SIRPA: variants seen among roughly 807,000 people sequenced by gnomAD.
SIRPA encodes the protein tyrosine-protein phosphatase non-receptor type substrate 1.
In SIRPA, 9 loss-of-function variants were observed where a neutral mutation model predicts 50.3. The observed-to-expected ratio is 0.18, with a 90% CI of 0.11 to 0.31. The LOEUF (loss-of-function observed/expected upper bound fraction) is 0.31. Among genes scored for constraint, SIRPA ranks in the 10% least tolerant of loss-of-function variants. SIRPA has a pLI of 1.00. For synonymous variants in SIRPA, 265 were observed against 284.1 expected, an observed-to-expected ratio of 0.93 and a Z score of 0.68; for missense variants, 474 against 661.6, an observed-to-expected ratio of 0.72 and a Z score of 3.11.
chr20:1,907,037 CATAA>C (rs1984589855), intron 1 of SIRPA, among the ~76,000 whole-genome samples: 1 of 152,176 alleles, frequency 6.6e-6, no homozygotes, highest in Admixed American at 6.5e-5. Context: ...ACAGACAAGA[CATAA>C]AGGTCATCTG....
intron 6 of SIRPA, among the ~76,000 whole-genome samples, chr20:1,929,816 C>T (rs1051275012): frequency 3.3e-5 from 5 of 152,160 alleles, no homozygotes; most frequent in African/African-American, 7.2e-5. Flanking sequence ...GGGCAAGACT[C>T]GTTTATATCC....
At chr20:1,916,879 G>A (rs186269269) in intron 2 of SIRPA, among the ~76,000 whole-genome samples, 2 of 152,300 alleles carry the variant, frequency 1.3e-5, no homozygotes, top group Admixed American at 1.3e-4. Flanking sequence ...AATGTGTGTG[G>A]ATATGGCCTA....
intron 1 of SIRPA, among the ~76,000 whole-genome samples, chr20:1,903,644 G>C (rs6081096): frequency 0.47 from 71,259 of 151,926 alleles, 16,888 homozygotes; most frequent in East Asian, 0.67. Flanking sequence ...CCTTGGCAGC[G>C]TCCTTTCTGG....
chr20:1,915,542 G>A lies in SIRPA; in HGVS notation c.436+87G>A. On this transcript the variant is annotated intron_variant, in intron 2 of 7. Transcript: ENST00000358771. ...TCCATTCTTTGAGCAATGATCAGGT[G>A]TGGTGGTAGGTGCTCCTTTCCATGA... is the stretch of plus-strand genomic sequence containing the variant. 1.1e-5 allele frequency: 16 copies of A among 1,463,102 alleles called. No individual in the cohort carries two copies. In the South Asian group the frequency reaches 1.8e-4, roughly 17 times the overall value. The allele number at this position is 1,463,102 out of a possible 1,614,324, so 90.6% of individuals were successfully genotyped here.
intron 1 of SIRPA, among the ~76,000 whole-genome samples, chr20:1,914,399 G>A (rs1429289316): frequency 3.3e-5 from 5 of 152,316 alleles, no homozygotes; most frequent in East Asian, 1.9e-4. Context: ...GAGATCCATC[G>A]AGGTGGGGTC....
At chr20:1,921,125 C>T (rs556214418) in intron 2 of SIRPA, among the ~76,000 whole-genome samples, 1 of 152,312 alleles carries the variant, frequency 6.6e-6, no homozygotes, top group African/African-American at 2.4e-5. Context: ...CTGGAAGTCA[C>T]CCTGTGTGGA....
chr20:1,913,481 C>A (rs773161885), intron 1 of SIRPA, among the ~76,000 whole-genome samples: 2 of 152,240 alleles, frequency 1.3e-5, no homozygotes, highest in Non-Finnish European at 2.9e-5. Flanking sequence ...AGGGGCACAG[C>A]AGCTCTGGAC....
Position 1,933,534 on chromosome 20 carries a change from C to A in SIRPA, c.1227-1181C>A, listed in dbSNP as rs1031921761. 1.3e-5 allele frequency among the ~76,000 whole-genome samples: 2 copies of A among 152,108 alleles called. No homozygotes were observed. Among genetic ancestry groups the A allele is most frequent in the Non-Finnish European group, 2.9e-5 (2 of 68,024 alleles). ...ATGAGTTGGACTTGAACCAGCCAGC[C>A]AGTGGGAAGCTCCAGGAGGGCTGGA... On this transcript the variant is annotated intron_variant, in intron 6 of 7. Transcript: ENST00000358771. This position sits in a 1 kb window ranked among gnomAD's most constrained non-coding sequence, Gnocchi z 4.4.
chr20:1,920,036 A>C lies in SIRPA; in HGVS notation c.437-1359A>C, dbSNP rs145681337. On this transcript the variant is annotated intron_variant, in intron 2 of 7. Transcript: ENST00000358771. ...GCTGCATACCAGGCTCTGTGCTTGCATTCATCCTCCCTCTTCTTAACAGGG... is the reference window on the plus strand; with the variant it reads ...GCTGCATACCAGGCTCTGTGCTTGCCTTCATCCTCCCTCTTCTTAACAGGG... Among the ~76,000 whole-genome samples, 80 of 152,278 alleles carry C rather than the reference A, an allele frequency of 5.3e-4. No homozygotes were observed. The Middle Eastern group carries it at 0.01, about 19-fold the overall frequency.
intron 2 of SIRPA, among the ~76,000 whole-genome samples, chr20:1,917,853 G>T (rs990987476): frequency 6.6e-6 from 1 of 152,174 alleles, no homozygotes; most frequent in African/African-American, 2.4e-5. Context: ...TGGCTATAGG[G>T]TAACCAGATC....
rs1986407099 is a variant in SIRPA at position 1,933,468 on chromosome 20, GGAGGCAGCACGTCA to G, written c.1227-1244_1227-1231del. Among the ~76,000 whole-genome samples the G allele has an allele frequency of 6.6e-6, 1 of 151,126 alleles. No homozygotes were observed. The highest frequency in any genetic ancestry group is 1.5e-5 in the Non-Finnish European group (1 of 67,888). ...TGAGGGCAGGGCAGTGAATTAGCCT[GGAGGCAGCACGTCA>G]GACCACGTGGGACTCTGAGCAGGGC... On this transcript the variant is annotated intron_variant, in intron 6 of 7. Coordinates refer to ENST00000358771, the MANE Select transcript of SIRPA (RefSeq NM_001040023.2). The surrounding 1 kb of genome is among the most constrained non-coding windows in gnomAD (Gnocchi z 4.4).
rs1986802257 is a variant in SIRPA at position 1,940,531 on chromosome 20, C to A, written c.*2963C>A. The A allele has an allele frequency of 6.6e-6, 1 of 152,160 alleles. No individual in the cohort carries two copies. The highest frequency in any genetic ancestry group is 1.5e-5 in the Non-Finnish European group (1 of 68,032). 9.4% of individuals were successfully genotyped at this position (152,160 alleles called of 1,614,324 possible). On this transcript the variant is annotated 3_prime_UTR_variant, in exon 8 of 8. Coordinates refer to ENST00000358771, the MANE Select transcript of SIRPA (RefSeq NM_001040023.2). ...AATGTTAGTTTCCTTTCTATCCCTC[C>A]ATTAGATCATTAATGATATTAGTGC... is the stretch of plus-strand genomic sequence containing the variant.
At position 1,921,322 on chromosome 20, in the gene SIRPA, A is replaced by T. The variant is rs903424756; in HGVS notation, c.437-73A>T. ...AAAAATAATGTCTCAGAAGGTTCTTAACGTGTCACACACTTATCGTTAGTG... is the reference window on the plus strand; with the variant it reads ...AAAAATAATGTCTCAGAAGGTTCTTTACGTGTCACACACTTATCGTTAGTG... On this transcript the variant is annotated intron_variant, in intron 2 of 7. Coordinates refer to ENST00000358771, the MANE Select transcript of SIRPA (RefSeq NM_001040023.2). 1.4e-5 allele frequency: 22 copies of T among 1,608,212 alleles called. No homozygotes were observed. In the African/African-American group the frequency reaches 2.0e-4, roughly 15 times the overall value.
At chr20:1,907,364 C>T (rs1409186952) in intron 1 of SIRPA, among the ~76,000 whole-genome samples, 1 of 152,238 alleles carries the variant, frequency 6.6e-6, no homozygotes, top group Non-Finnish European at 1.5e-5. Flanking sequence ...TGCTGGCCTG[C>T]TCTTCAGATG....
upstream of SIRPA, chr20:1,894,259 C>A (rs962184853): frequency 6.7e-6 from 1 of 149,112 alleles, no homozygotes; most frequent in Non-Finnish European, 1.5e-5. This position sits in a 1 kb window ranked among gnomAD's most constrained non-coding sequence, Gnocchi z 4.0. Flanking sequence ...CGCCCCCCCG[C>A]CCCCCGCGCC....
intron 2 of SIRPA, among the ~76,000 whole-genome samples, chr20:1,915,933 C>T (rs1469016324): frequency 2.0e-5 from 3 of 152,224 alleles, no homozygotes; most frequent in Non-Finnish European, 4.4e-5. Context: ...GGGCAGGGAG[C>T]AGAGAGGGTG....
chr20:1,930,266 G>A (rs556094029), intron 6 of SIRPA, among the ~76,000 whole-genome samples: 31 of 152,338 alleles, frequency 2.0e-4, no homozygotes, highest in African/African-American at 7.0e-4. Flanking sequence ...TGGTGCCGCA[G>A]CGTGGACACC....
At chr20:1,900,408 T>C (rs1374623823) in intron 1 of SIRPA, among the ~76,000 whole-genome samples, 1 of 152,172 alleles carries the variant, frequency 6.6e-6, no homozygotes, top group South Asian at 2.1e-4. Flanking sequence ...GTAGCTTTTA[T>C]GCTGTTGGGG....
At chr20:1,921,991 A>G (rs1014774288) in intron 3 of SIRPA, among the ~76,000 whole-genome samples, 6 of 152,092 alleles carry the variant, frequency 3.9e-5, no homozygotes, top group Admixed American at 3.3e-4. Context: ...CCTACTATGA[A>G]CTAAGCCTCT....
Sources: gnomAD v4.1 joint callset for allele counts (sites outside exome capture counted in the v4.1 genomes callset) on GRCh38, gnomAD v4.1.1 for gene constraint, Gnocchi (gnomAD v3.1) non-coding constraint, MANE v1.5 for transcripts, NCBI Gene and HGNC (gene_info 2026-07-23, HGNC 2026-07-21) for gene names.